Variants in SHC3 observed in about 807,000 individuals in gnomAD.
SHC3 encodes SHC adaptor protein 3.
A neutral mutation model predicts 60.4 loss-of-function variants in SHC3; 15 were observed. The ratio of observed to expected loss-of-function variants is 0.25; its 90% CI spans 0.17 to 0.38. The LOEUF (loss-of-function observed/expected upper bound fraction) is 0.38. Ranked by LOEUF, SHC3 falls within the 10% of genes least tolerant of loss-of-function variation. The pLI is 1.00. For missense variants in SHC3, 677 were observed against 786.1 expected, an observed-to-expected ratio of 0.86 and a Z score of 1.66; for synonymous variants, 294 against 325.9, an observed-to-expected ratio of 0.90 and a Z score of 1.05.
chr9:89,109,288 AG>A, intron 2 of SHC3: 1 of 753,184 alleles, frequency 1.3e-6, no homozygotes, highest in Non-Finnish European at 1.6e-6. Context: ...GCATGGGTGA[AG>A]GGGGTCCCTC....
chr9:89,132,603 C>A lies in SHC3; in HGVS notation c.475-19977G>T, dbSNP rs564083975. On this transcript the variant is annotated intron_variant, in intron 1 of 11. Coordinates refer to ENST00000375835, the MANE Select transcript of SHC3 (RefSeq NM_016848.6). ...CAGAACAGAGCTCTCAGAAATAATA[C>A]CACACATCTACAACCATCTGATCTT... Among the ~76,000 whole-genome samples the A allele has an allele frequency of 9.9e-4, 151 of 152,206 alleles. 2 individuals are homozygous for A. The East Asian group carries it at 0.028, about 28-fold the overall frequency.
intron 1 of SHC3, among the ~76,000 whole-genome samples, chr9:89,155,054 C>A (rs1373586621): frequency 1.3e-5 from 2 of 152,164 alleles, no homozygotes; most frequent in Non-Finnish European, 2.9e-5. Flanking sequence ...GTTATCTACC[C>A]TTGAGCATTG....
chr9:89,170,646 GA>G (rs1484263316), intron 1 of SHC3, among the ~76,000 whole-genome samples: 1 of 152,078 alleles, frequency 6.6e-6, no homozygotes, highest in African/African-American at 2.4e-5. Context: ...CTCCATCTCA[GA>G]AATAAACAAG....
chr9:89,060,533 C>G (rs1162011550), intron 6 of SHC3, among the ~76,000 whole-genome samples: 2 of 151,914 alleles, frequency 1.3e-5, no homozygotes, highest in Non-Finnish European at 2.9e-5. Flanking sequence ...GAGGCAAGAG[C>G]TTGCTTGGCA....
intron 1 of SHC3, among the ~76,000 whole-genome samples, chr9:89,158,698 T>C (rs1437895336): frequency 2.0e-5 from 3 of 152,246 alleles, no homozygotes; most frequent in Non-Finnish European, 4.4e-5. Flanking sequence ...ATTGCTTCTG[T>C]TACAAGGATG....
Position 89,008,634 on chromosome 9 carries a change from C to G in SHC3, c.*4813G>C, listed in dbSNP as rs1053862507. 4 of 152,236 alleles carry G rather than the reference C, an allele frequency of 2.6e-5. No homozygotes were observed. Among genetic ancestry groups the G allele is most frequent in the Non-Finnish European group, 5.9e-5 (4 of 68,096 alleles). 9.4% of individuals were successfully genotyped at this position (152,236 alleles called of 1,614,324 possible). Reference sequence around the variant, plus strand: ...CGCCTGTCTCAGCTCAGGGACATCCCCGGCTTAGGAAGTATGCTCAGGTGT... The same window carrying G: ...CGCCTGTCTCAGCTCAGGGACATCCGCGGCTTAGGAAGTATGCTCAGGTGT... On this transcript the variant is annotated 3_prime_UTR_variant, in exon 12 of 12. Transcript: ENST00000375835.
intron 1 of SHC3, among the ~76,000 whole-genome samples, chr9:89,130,248 G>T (rs1826224621): frequency 6.6e-6 from 1 of 152,162 alleles, no homozygotes; most frequent in Admixed American, 6.5e-5. Flanking sequence ...CAATACAGGA[G>T]CACCTAGATT....
intron 1 of SHC3, among the ~76,000 whole-genome samples, chr9:89,165,211 T>G (rs979184729): frequency 1.3e-5 from 2 of 152,008 alleles, no homozygotes; most frequent in East Asian, 3.9e-4. Context: ...TTTTGTGTTG[T>G]GTAAAAGAAA....
At chr9:89,106,502 C>T (rs1825861917) in intron 2 of SHC3, among the ~76,000 whole-genome samples, 1 of 152,240 alleles carries the variant, frequency 6.6e-6, no homozygotes, top group Non-Finnish European at 1.5e-5. Flanking sequence ...TCAGCCCACA[C>T]AGGGCAGCCT....
chr9:89,092,180 C>T (rs150012524), intron 2 of SHC3, among the ~76,000 whole-genome samples: 4 of 152,322 alleles, frequency 2.6e-5, no homozygotes, highest in East Asian at 3.9e-4. Context: ...TCATCTGCAG[C>T]GGCCCACCTG....
At chr9:89,116,864 T>A (rs1208131548) in intron 1 of SHC3, among the ~76,000 whole-genome samples, 1 of 151,892 alleles carries the variant, frequency 6.6e-6, no homozygotes, top group African/African-American at 2.4e-5. Context: ...TTATACCACA[T>A]CCACCAGCAC....
Position 89,005,809 on chromosome 9 carries a change from T to C in SHC3, c.*7638A>G, listed in dbSNP as rs532128908. ...AGCCTTTATTGCCTGCAGACTTACA[T>C]GTATAGTCCTTTAAACAATTAACTG... is the stretch of plus-strand genomic sequence containing the variant. On this transcript the variant is annotated 3_prime_UTR_variant, in exon 12 of 12. Coordinates refer to ENST00000375835, the MANE Select transcript of SHC3 (RefSeq NM_016848.6). The C allele has an allele frequency of 1.3e-5, 2 of 152,342 alleles. No homozygotes were observed. Among genetic ancestry groups the C allele is most frequent in the East Asian group, 3.9e-4 (2 of 5,190 alleles). The allele number at this position is 152,342 out of a possible 1,614,324, so 9.4% of individuals were successfully genotyped here.
intron 11 of SHC3, among the ~76,000 whole-genome samples, chr9:89,034,813 G>A (rs1009122978): frequency 3.3e-5 from 5 of 152,188 alleles, no homozygotes; most frequent in Non-Finnish European, 7.3e-5. Context: ...CCATGTTCAT[G>A]GTTGTGCTGA....
rs1266519008 is a variant in SHC3, at chr9:89,075,116, G to C, written c.722C>G (p.Ser241Cys). Residue 241 changes from serine to cysteine, a missense_variant, in exon 4 of 12, where the codon TCC becomes TGC. Transcript: ENST00000375835. ...TASLNLRTPD[S>C]KQIIANHHMR... ...ATCTGAGCACCCATGTACCTGTTTG[G>C]AGTCCGGAGTTCGCAGGTTCAGACT... The C allele has an allele frequency of 6.2e-7, 1 of 1,613,912 alleles. No homozygotes were observed. The highest frequency in any genetic ancestry group is 1.1e-5 in the South Asian group (1 of 91,046).
chr9:89,114,537 A>G (rs927866035), intron 1 of SHC3, among the ~76,000 whole-genome samples: 2 of 152,166 alleles, frequency 1.3e-5, no homozygotes, highest in African/African-American at 4.8e-5. Flanking sequence ...GAGAGGATTC[A>G]AAGTATAAAG....
intron 1 of SHC3, among the ~76,000 whole-genome samples, chr9:89,115,631 C>T (rs1255596747): frequency 1.3e-5 from 2 of 152,176 alleles, no homozygotes; most frequent in African/African-American, 4.8e-5. Context: ...GTGAATACCA[C>T]AGCAATCATC....
intron 1 of SHC3, among the ~76,000 whole-genome samples, chr9:89,167,012 G>T (rs1443090685): frequency 2.0e-5 from 3 of 152,136 alleles, no homozygotes; most frequent in Non-Finnish European, 4.4e-5. Flanking sequence ...CAGGGCAGTG[G>T]CTCTTCACAG....
intron 1 of SHC3, among the ~76,000 whole-genome samples, chr9:89,153,182 T>G (rs1826568554): frequency 6.6e-6 from 1 of 152,230 alleles, no homozygotes; most frequent in African/African-American, 2.4e-5. Context: ...CTTGAAATTA[T>G]TTTCTTTCTA....
chr9:89,028,793 TAG>T (rs1400862393), intron 11 of SHC3, among the ~76,000 whole-genome samples: 4 of 146,510 alleles, frequency 2.7e-5, no homozygotes, highest in Admixed American at 6.8e-5. Context: ...TAGAGAGATA[TAG>T]AGAGATCATC....
Sources: allele counts gnomAD v4.1 joint callset (sites outside exome capture counted in the v4.1 genomes callset), GRCh38; gene constraint gnomAD v4.1.1; transcripts MANE v1.5; gene names NCBI Gene and HGNC (gene_info 2026-07-23, HGNC 2026-07-21).